DOCK3: variants seen among roughly 807,000 people sequenced by gnomAD.
DOCK3 encodes dedicator of cytokinesis 3, also known as dedicator of cytokinesis protein 3.
Under a neutral mutation model 265.6 loss-of-function variants are expected in DOCK3, and 60 were observed. The ratio of observed to expected loss-of-function variants is 0.23; its 90% CI spans 0.18 to 0.28. The LOEUF (loss-of-function observed/expected upper bound fraction) is 0.28. DOCK3 is among the 10% of genes least tolerant of loss of function. DOCK3 has a pLI of 1.00. For missense variants in DOCK3, 1,981 were observed against 2,594.3 expected (o/e 0.76, Z 5.14); for synonymous variants, 881 against 938.0 (o/e 0.94, Z 1.11).
chr3:50,761,140 A>G (rs747508749), intron 1 of DOCK3, among the ~76,000 whole-genome samples: 3 of 151,708 alleles, frequency 2.0e-5, no homozygotes, highest in Non-Finnish European at 2.9e-5. Flanking sequence ...TTTTATTTTT[A>G]TATCATTTTT....
At chr3:50,971,376 A>T (rs1006609157) in intron 5 of DOCK3, among the ~76,000 whole-genome samples, 2 of 152,028 alleles carry the variant, frequency 1.3e-5, no homozygotes, top group African/African-American at 4.8e-5. Flanking sequence ...ACTATAATGT[A>T]TGTTGTATAG....
At chr3:50,730,797 C>T (rs777434357) in intron 1 of DOCK3, among the ~76,000 whole-genome samples, 2 of 151,044 alleles carry the variant, frequency 1.3e-5, no homozygotes, top group Non-Finnish European at 2.9e-5. Flanking sequence ...CACCACTGCA[C>T]GCCAGCCTGG....
At chr3:50,858,528 T>C (rs1575377178) in intron 3 of DOCK3, among the ~76,000 whole-genome samples, 1 of 152,030 alleles carries the variant, frequency 6.6e-6, no homozygotes, top group Non-Finnish European at 1.5e-5. Flanking sequence ...GCTGTTGCCC[T>C]GATGGGGATC....
At chr3:51,269,951 G>A (rs535925616) in intron 23 of DOCK3, among the ~76,000 whole-genome samples, 14 of 152,218 alleles carry the variant, frequency 9.2e-5, no homozygotes, top group Admixed American at 3.9e-4. Context: ...TCAGGTAAGC[G>A]GTAAAGCTTG....
chr3:51,261,917 G>T (rs1378200900), intron 23 of DOCK3, among the ~76,000 whole-genome samples: 1 of 152,190 alleles, frequency 6.6e-6, no homozygotes, highest in African/African-American at 2.4e-5. Flanking sequence ...GGCCCAGTCA[G>T]GGGCTTCTAG....
intron 3 of DOCK3, among the ~76,000 whole-genome samples, chr3:50,888,407 AT>A (rs2048454929): frequency 6.6e-6 from 1 of 152,240 alleles, no homozygotes; most frequent in Admixed American, 6.5e-5. Flanking sequence ...GGTAGGAAGA[AT>A]GCATATCGTG....
At chr3:50,820,013 C>T (rs1450590690) in intron 2 of DOCK3, among the ~76,000 whole-genome samples, 1 of 152,104 alleles carries the variant, frequency 6.6e-6, no homozygotes, top group Non-Finnish European at 1.5e-5. Context: ...CTAGAAGTTA[C>T]AGTATATGTC....
At position 51,020,077 on chromosome 3, in the gene DOCK3, C is replaced by T. The variant is rs140010097; in HGVS notation, c.316-44371C>T. Among the ~76,000 whole-genome samples the T allele has an allele frequency of 3.3e-5, 5 of 152,044 alleles. 2 individuals are homozygous for T. The highest frequency in any genetic ancestry group is 1.2e-4 in the African/African-American group (5 of 41,300). On this transcript the variant is annotated intron_variant, in intron 5 of 52. Transcript: ENST00000266037. ...CTTCCACAATGGTTGAACTAATTTA[C>T]ATTCCCACCAACAGTGTAAAAACAT...
At chr3:51,115,024 G>C (rs1037832672) in intron 9 of DOCK3, among the ~76,000 whole-genome samples, 2 of 152,106 alleles carry the variant, frequency 1.3e-5, no homozygotes, top group Non-Finnish European at 2.9e-5. Flanking sequence ...TGTTGTATAT[G>C]TGCCACATTT....
chr3:50,791,367 GATTC>G, intron 2 of DOCK3, among the ~76,000 whole-genome samples: 1 of 147,034 alleles, frequency 6.8e-6, no homozygotes. Context: ...GGGTTCAAGT[GATTC>G]TCCTGCCTCA....
At chr3:50,964,416 A>G (rs2076971732) in intron 5 of DOCK3, among the ~76,000 whole-genome samples, 1 of 152,220 alleles carries the variant, frequency 6.6e-6, no homozygotes, top group South Asian at 2.1e-4. Flanking sequence ...ATGAAATAGA[A>G]GCTGGATGGT....
chr3:51,155,956 C>G (rs1377168101), intron 10 of DOCK3, among the ~76,000 whole-genome samples: 1 of 152,154 alleles, frequency 6.6e-6, no homozygotes, highest in African/African-American at 2.4e-5. Flanking sequence ...AAGTGACCAA[C>G]TCAGAGAATG....
chr3:51,147,911 G>A (rs139234229), intron 10 of DOCK3, among the ~76,000 whole-genome samples: 12 of 152,232 alleles, frequency 7.9e-5, no homozygotes, highest in African/African-American at 2.9e-4. Flanking sequence ...TTGAGGAATC[G>A]CCACACTATC....
chr3:51,161,861 A>C (rs950154685), intron 12 of DOCK3, among the ~76,000 whole-genome samples: 4 of 152,194 alleles, frequency 2.6e-5, no homozygotes, highest in African/African-American at 9.6e-5. Context: ...GGAGATCGAT[A>C]AGTCACATCC....
intron 5 of DOCK3, among the ~76,000 whole-genome samples, chr3:51,016,555 ATCATATATT>A (rs1237373600): frequency 5.4e-4 from 1 of 1,850 alleles, no homozygotes; most frequent in East Asian, 0.17. Context: ...ATTTATATAT[ATCATATATT>A]ATATATATAT....
At chr3:50,848,017 T>C (rs937780931) in intron 3 of DOCK3, among the ~76,000 whole-genome samples, 12 of 152,172 alleles carry the variant, frequency 7.9e-5, no homozygotes, top group Non-Finnish European at 1.5e-4. Context: ...TAGTTAAGTC[T>C]TGTTGAATTC....
At chr3:51,181,161 A>C (rs1419514732) in intron 12 of DOCK3, among the ~76,000 whole-genome samples, 1 of 152,176 alleles carries the variant, frequency 6.6e-6, no homozygotes, top group African/African-American at 2.4e-5. Flanking sequence ...ATTATACTTT[A>C]AGTTCTAGGG....
At chr3:50,786,141 T>C (rs1344871104) in intron 2 of DOCK3, among the ~76,000 whole-genome samples, 2 of 152,166 alleles carry the variant, frequency 1.3e-5, no homozygotes, top group Non-Finnish European at 2.9e-5. Flanking sequence ...TTCTTTGGTA[T>C]TGCTTGTAAT....
chr3:50,726,951 TACTA>T (rs530358619), intron 1 of DOCK3, among the ~76,000 whole-genome samples: 1 of 152,296 alleles, frequency 6.6e-6, no homozygotes, highest in South Asian at 2.1e-4. Flanking sequence ...TCATTGAACT[TACTA>T]GAGAGAGGTT....
Sources: allele counts gnomAD v4.1 joint callset (sites outside exome capture counted in the v4.1 genomes callset), GRCh38; gene constraint gnomAD v4.1.1; transcripts MANE v1.5; gene names NCBI Gene and HGNC (gene_info 2026-07-23, HGNC 2026-07-21).